ARHGAP39: variants seen among roughly 807,000 people sequenced by gnomAD.
ARHGAP39 encodes the protein Rho GTPase activating protein 39.
A neutral mutation model predicts 106.9 loss-of-function variants in ARHGAP39; 44 were observed. That is an observed-to-expected ratio of 0.41 (90% CI 0.32 to 0.53). ARHGAP39 has a LOEUF of 0.53. Among genes scored for constraint, ARHGAP39 ranks in the 20% least tolerant of loss-of-function variants. ARHGAP39 has a pLI of 0.21. For missense variants in ARHGAP39, 1,496 were observed against 1,577.3 expected, an observed-to-expected ratio of 0.95 and a Z score of 0.87; for synonymous variants, 768 against 693.2, an observed-to-expected ratio of 1.11 and a Z score of -1.69.
intron 1 of ARHGAP39, among the ~76,000 whole-genome samples, chr8:144,623,565 C>T (rs1338274448): frequency 6.6e-6 from 1 of 152,232 alleles, no homozygotes; most frequent in East Asian, 1.9e-4. Context: ...CAGGCGGCCT[C>T]GCGGCACAGA....
At chr8:144,628,735 C>T (rs549886508) in intron 1 of ARHGAP39, among the ~76,000 whole-genome samples, 1 of 152,220 alleles carries the variant, frequency 6.6e-6, no homozygotes, top group African/African-American at 2.4e-5. Flanking sequence ...AGAACTACCC[C>T]AGGCTGCTGA....
intron 1 of ARHGAP39, among the ~76,000 whole-genome samples, chr8:144,612,890 T>C (rs952649894): frequency 7.2e-5 from 11 of 152,248 alleles, no homozygotes; most frequent in Non-Finnish European, 1.5e-4. Context: ...TATATGTGAG[T>C]ATTGATTTTT....
intron 1 of ARHGAP39, among the ~76,000 whole-genome samples, chr8:144,650,330 G>A (rs939782612): frequency 6.6e-6 from 1 of 152,058 alleles, no homozygotes; most frequent in African/African-American, 2.4e-5. Context: ...GTACAAAGAA[G>A]AGCTGATACC....
At chr8:144,566,618 G>A (rs192403463) in intron 3 of ARHGAP39, among the ~76,000 whole-genome samples, 201 of 152,284 alleles carry the variant, frequency 1.3e-3, no homozygotes, top group African/African-American at 4.2e-3. Context: ...CACTTTGGGA[G>A]GCCAAGGTGG....
chr8:144,676,606 C>T (rs1213602652), intron 1 of ARHGAP39, among the ~76,000 whole-genome samples: 2 of 152,382 alleles, frequency 1.3e-5, no homozygotes, highest in East Asian at 1.9e-4. Context: ...AGTCCCCACC[C>T]GACCCAGAAG....
intron 1 of ARHGAP39, among the ~76,000 whole-genome samples, chr8:144,632,714 C>T (rs1821093361): frequency 6.6e-6 from 1 of 152,242 alleles, no homozygotes; most frequent in Non-Finnish European, 1.5e-5. Context: ...GGCCCCACAA[C>T]CGCCCAGACA....
Position 144,605,709 on chromosome 8 carries a change from G to A in ARHGAP39, c.-81-14C>T. ...GAAGGTGCCGCACTGCAAGAGGGGA[G>A]AAGCAACAGTGCTGATATGGAAGAC... On this transcript the variant is annotated splice_polypyrimidine_tract_variant and intron_variant, in intron 1 of 11. Coordinates refer to ENST00000377307, the MANE Select transcript of ARHGAP39 (RefSeq NM_025251.3). 8.1e-7 allele frequency: 1 copy of A among 1,230,808 alleles called. No homozygotes were observed. Among genetic ancestry groups the A allele is most frequent in the Non-Finnish European group, 1.2e-6 (1 of 850,040 alleles). 76.2% of individuals were successfully genotyped at this position (1,230,808 alleles called of 1,614,324 possible).
At chr8:144,574,825 C>T (rs540078468) in intron 3 of ARHGAP39, among the ~76,000 whole-genome samples, 4 of 152,286 alleles carry the variant, frequency 2.6e-5, no homozygotes, top group East Asian at 3.9e-4. Flanking sequence ...CATTTCATAC[C>T]GTCTTCACAT....
intron 3 of ARHGAP39, among the ~76,000 whole-genome samples, chr8:144,564,953 C>T (rs958416315): frequency 6.6e-6 from 1 of 151,966 alleles, no homozygotes; most frequent in African/African-American, 2.4e-5. Flanking sequence ...TCCTAAAACA[C>T]ACAAAAATTA....
chr8:144,614,616 G>A (rs575030972), intron 1 of ARHGAP39, among the ~76,000 whole-genome samples: 2 of 152,354 alleles, frequency 1.3e-5, no homozygotes, highest in South Asian at 2.1e-4. Context: ...GCCTCCACAA[G>A]TGCTGGGATT....
intron 1 of ARHGAP39, among the ~76,000 whole-genome samples, chr8:144,621,599 T>G (rs922199394): frequency 6.6e-6 from 1 of 152,154 alleles, no homozygotes; most frequent in Non-Finnish European, 1.5e-5. Context: ...GGCAGATTGC[T>G]TCAGCCCAGA....
At chr8:144,569,434 G>A (rs528843442) in intron 3 of ARHGAP39, among the ~76,000 whole-genome samples, 1 of 152,246 alleles carries the variant, frequency 6.6e-6, no homozygotes, top group South Asian at 2.1e-4. Flanking sequence ...TCCATACAAT[G>A]GTATACTACT....
At chr8:144,579,595 C>T (rs1818892919) in intron 3 of ARHGAP39, among the ~76,000 whole-genome samples, 1 of 152,166 alleles carries the variant, frequency 6.6e-6, no homozygotes, top group Admixed American at 6.5e-5. Flanking sequence ...GCCTCCCTTT[C>T]ATCCTGCCAG....
Position 144,530,323 on chromosome 8 carries a change from C to G in ARHGAP39, c.*99G>C. On this transcript the variant is annotated 3_prime_UTR_variant, in exon 12 of 12. Transcript: ENST00000377307. Reference sequence around the variant, plus strand: ...TGGGGGAGTGGAGGGGGCTCCAGGGCTGGGCCGGGCGATTCTGGCCCCTCT... The same window carrying G: ...TGGGGGAGTGGAGGGGGCTCCAGGGGTGGGCCGGGCGATTCTGGCCCCTCT... 1 of 1,344,774 alleles carries G rather than the reference C, an allele frequency of 7.4e-7. No individual in the cohort carries two copies. Among genetic ancestry groups the G allele is most frequent in the Non-Finnish European group, 1.0e-6 (1 of 987,390 alleles). 83.3% of individuals were successfully genotyped at this position (1,344,774 alleles called of 1,614,324 possible).
intron 2 of ARHGAP39, among the ~76,000 whole-genome samples, chr8:144,582,448 G>A (rs1012777806): frequency 4.6e-5 from 7 of 152,206 alleles, no homozygotes; most frequent in East Asian, 1.9e-4. Context: ...CAGTGGCGGC[G>A]GCCCCAGCAG....
At position 144,605,446 on chromosome 8, in the gene ARHGAP39, C is replaced by CT. The variant is rs1011736989; in HGVS notation, c.80+88dup. 2.9e-6 allele frequency: 4 copies of CT among 1,373,780 alleles called. No individual in the cohort carries two copies. The African/African-American group carries it at 5.7e-5, about 19-fold the overall frequency. The allele number at this position is 1,373,780 out of a possible 1,614,324, so 85.1% of individuals were successfully genotyped here. ...ACGAATCCATTCTCCACGGAGAATC[C>CT]TGCATGCACACTGCTTTCTCTGCAG... On this transcript the variant is annotated intron_variant, in intron 2 of 11. Transcript: ENST00000377307.
In ARHGAP39 at chr8:144,547,962, T is replaced by G; in HGVS notation, c.1124A>C (p.Lys375Thr). The G allele has an allele frequency of 6.2e-7, 1 of 1,600,920 alleles. No homozygotes were observed. The highest frequency in any genetic ancestry group is 8.5e-7 in the Non-Finnish European group (1 of 1,173,214). ...CAGGAAGCGCTCGGGACACTTCTGCTTGGTGAGCACCAGCTGCTGGCAGGG... is the reference window on the plus strand; with the variant it reads ...CAGGAAGCGCTCGGGACACTTCTGCGTGGTGAGCACCAGCTGCTGGCAGGG... ...PSPCQQLVLT[K>T]QKCPERFLSL... Residue 375 changes from lysine (K) to threonine (T), a missense_variant, in exon 5 of 12, where the codon AAG (lysine) becomes ACG (threonine). Transcript: ENST00000377307. The surrounding 1 kb of genome is among the most constrained non-coding windows in gnomAD (Gnocchi z 5.2).
intron 1 of ARHGAP39, among the ~76,000 whole-genome samples, chr8:144,631,054 A>C (rs1821048842): frequency 6.6e-6 from 1 of 152,214 alleles, no homozygotes; most frequent in Non-Finnish European, 1.5e-5. Flanking sequence ...CAGGTGCCTC[A>C]CATGGCCAAA....
chr8:144,648,566 A>G (rs1821500298), intron 1 of ARHGAP39, among the ~76,000 whole-genome samples: 1 of 152,204 alleles, frequency 6.6e-6, no homozygotes, highest in Admixed American at 6.5e-5. Context: ...GCTGTTTAAA[A>G]GCTTTTTATT....
Sources: gnomAD v4.1 joint callset for allele counts (sites outside exome capture counted in the v4.1 genomes callset) on GRCh38, gnomAD v4.1.1 for gene constraint, Gnocchi (gnomAD v3.1) non-coding constraint, MANE v1.5 for transcripts, NCBI Gene and HGNC (gene_info 2026-07-23, HGNC 2026-07-21) for gene names.